Variants in IGSF21 observed in about 807,000 individuals in gnomAD.
IGSF21 encodes immunoglobin superfamily member 21.
IGSF21 carries 28 observed loss-of-function variants against 46.8 expected under a neutral mutation model. The observed-to-expected ratio is 0.60, with a 90% CI of 0.44 to 0.82. IGSF21 has a LOEUF of 0.82. Ranked by LOEUF, IGSF21 falls within the 40% of genes least tolerant of loss-of-function variation. The probability of loss-of-function intolerance (pLI) is 0.00; values close to 1 mark genes in which losing one functional copy is unlikely to be tolerated. For missense variants in IGSF21, 624 were observed against 665.5 expected (o/e 0.94, Z 0.69); for synonymous variants, 284 against 273.6 (o/e 1.04, Z -0.38).
At chr1:18,179,648 C>T (rs747229986) in intron 1 of IGSF21, among the ~76,000 whole-genome samples, 5 of 151,806 alleles carry the variant, frequency 3.3e-5, no homozygotes, top group Admixed American at 3.3e-4. Context: ...TGGCTGGGGT[C>T]GGGGTGACGG....
rs2085761860 is a variant in IGSF21, at chr1:18,335,967, A to G, written c.424+957A>G. 6.6e-6 allele frequency among the ~76,000 whole-genome samples: 1 copy of G among 152,154 alleles called. No individual in the cohort carries two copies. The highest frequency in any genetic ancestry group is 2.1e-4 in the South Asian group (1 of 4,822). ...ACTCATGCACCACTCAGCTCCTCTG[A>G]TAAAGGAACTAGCAGCGTTTGGGTG... On this transcript the variant is annotated intron_variant, in intron 4 of 9. Coordinates refer to ENST00000251296, the MANE Select transcript of IGSF21 (RefSeq NM_032880.5). The surrounding 1 kb of genome is among the most constrained non-coding windows in gnomAD (Gnocchi z 4.8).
chr1:18,110,213 C>G (rs974787772), intron 1 of IGSF21: 2 of 152,204 alleles, frequency 1.3e-5, no homozygotes, highest in African/African-American at 4.8e-5. Flanking sequence ...ACGCGGATCG[C>G]GAATGGGAAA....
At chr1:18,377,922 G>A (rs2086301676) in intron 9 of IGSF21, among the ~76,000 whole-genome samples, 1 of 152,132 alleles carries the variant, frequency 6.6e-6, no homozygotes, top group Non-Finnish European at 1.5e-5. Flanking sequence ...GCTCTAGCCT[G>A]AGCACCACCC....
chr1:18,323,770 A>G (rs905652245), intron 3 of IGSF21, among the ~76,000 whole-genome samples: 1 of 152,144 alleles, frequency 6.6e-6, no homozygotes, highest in South Asian at 2.1e-4. Flanking sequence ...AGTGGATGCC[A>G]CAGATATTTT....
At chr1:18,366,226 G>T (rs2086163627) in intron 6 of IGSF21, among the ~76,000 whole-genome samples, 1 of 152,144 alleles carries the variant, frequency 6.6e-6, no homozygotes, top group Admixed American at 6.5e-5. Context: ...TAAAAACAGG[G>T]GAGGTTTTCT....
intron 4 of IGSF21, among the ~76,000 whole-genome samples, chr1:18,339,302 C>T (rs1193664546): frequency 6.6e-6 from 1 of 152,190 alleles, no homozygotes; most frequent in South Asian, 2.1e-4. Flanking sequence ...ATACAGCAGC[C>T]TTAACTCCCA....
intron 1 of IGSF21, among the ~76,000 whole-genome samples, chr1:18,200,793 G>A (rs557012692): frequency 2.6e-4 from 39 of 152,106 alleles, no homozygotes; most frequent in Non-Finnish European, 4.3e-4. Flanking sequence ...TTGAGTGGCC[G>A]GGATCCACGT....
intron 3 of IGSF21, among the ~76,000 whole-genome samples, chr1:18,315,573 A>ATGGATGGATGGG (rs937506593): frequency 6.6e-6 from 1 of 151,492 alleles, no homozygotes; most frequent in African/African-American, 2.4e-5. Flanking sequence ...GGATGGATGG[A>ATGGATGGATGGG]TGGGTGGATG....
chr1:18,251,159 C>T (rs1333001159), intron 2 of IGSF21, among the ~76,000 whole-genome samples: 1 of 152,074 alleles, frequency 6.6e-6, no homozygotes, highest in Non-Finnish European at 1.5e-5. Flanking sequence ...CAAGTCAGGG[C>T]GGTGACAGGG....
At chr1:18,268,934 T>C (rs1557616000) in intron 2 of IGSF21, among the ~76,000 whole-genome samples, 1 of 152,204 alleles carries the variant, frequency 6.6e-6, no homozygotes, top group Non-Finnish European at 1.5e-5. Context: ...TCACTCTTGA[T>C]GATAGCTCCC....
chr1:18,155,977 A>G (rs1415752881), intron 1 of IGSF21, among the ~76,000 whole-genome samples: 1 of 152,378 alleles, frequency 6.6e-6, no homozygotes, highest in Non-Finnish European at 1.5e-5. Context: ...TGAAGTATTA[A>G]TACATATAAT....
intron 4 of IGSF21, among the ~76,000 whole-genome samples, chr1:18,359,369 A>G (rs1557659541): frequency 2.7e-5 from 3 of 110,940 alleles, no homozygotes; most frequent in East Asian, 2.4e-4. Flanking sequence ...AAAGAAAGAA[A>G]GAAAGAAAGA....
chr1:18,147,492 G>A (rs541402625), intron 1 of IGSF21, among the ~76,000 whole-genome samples: 1 of 152,152 alleles, frequency 6.6e-6, no homozygotes, highest in South Asian at 2.1e-4. Context: ...AAAGCACCGA[G>A]AAATACCTTC....
chr1:18,282,350 C>T (rs993627121), intron 2 of IGSF21, among the ~76,000 whole-genome samples: 4 of 152,100 alleles, frequency 2.6e-5, no homozygotes, highest in African/African-American at 9.7e-5. Context: ...CAGGTGATTC[C>T]ACTGTGCACT....
rs543436460 is a variant in IGSF21 at position 18,171,981 on chromosome 1, GA to G, written c.71-55915del. 4.4e-3 allele frequency among the ~76,000 whole-genome samples: 676 copies of G among 152,322 alleles called. 5 individuals are homozygous for G. Among genetic ancestry groups the G allele is most frequent in the African/African-American group, 0.015 (635 of 41,564 alleles). ...TGGGAAAGGTTGAAGAGGTACCTGGGAAGAAATAGTTCCTTTTCTTGTCCCC... is the reference window on the plus strand; with the variant it reads ...TGGGAAAGGTTGAAGAGGTACCTGGGAGAAATAGTTCCTTTTCTTGTCCCC... On this transcript the variant is annotated intron_variant, in intron 1 of 9. Transcript: ENST00000251296.
chr1:18,255,803 G>C (rs540150433), intron 2 of IGSF21, among the ~76,000 whole-genome samples: 78 of 151,906 alleles, frequency 5.1e-4, no homozygotes, highest in African/African-American at 1.8e-3. Context: ...TCCCTCCTGA[G>C]GTCCCAAAGT....
In IGSF21 at chr1:18,184,049, T is replaced by C. The variant is rs536893471; in HGVS notation, c.71-43849T>C. Among the ~76,000 whole-genome samples, 9 of 152,232 alleles carry C rather than the reference T, an allele frequency of 5.9e-5. No homozygotes were observed. The South Asian group carries it at 1.9e-3, about 32-fold the overall frequency. ...GTAACACAGGATAGTGTCAAGAGAATAGGTTCTGGAGTCTGGGTTCACATT... is the reference window on the plus strand; with the variant it reads ...GTAACACAGGATAGTGTCAAGAGAACAGGTTCTGGAGTCTGGGTTCACATT... On this transcript the variant is annotated intron_variant, in intron 1 of 9. Coordinates refer to ENST00000251296, the MANE Select transcript of IGSF21 (RefSeq NM_032880.5).
intron 3 of IGSF21, among the ~76,000 whole-genome samples, chr1:18,297,108 GC>G (rs2085318799): frequency 1.3e-5 from 2 of 152,130 alleles, no homozygotes; most frequent in South Asian, 2.1e-4. Flanking sequence ...TTCAGAGTCT[GC>G]CCGCCCCCCC....
intron 1 of IGSF21, chr1:18,114,445 C>A (rs1272955734): frequency 6.6e-6 from 1 of 152,310 alleles, no homozygotes; most frequent in African/African-American, 2.4e-5. Flanking sequence ...AAAGACTGAG[C>A]ATGTGGCTTT....
Sources: gnomAD v4.1 joint callset for allele counts (sites outside exome capture counted in the v4.1 genomes callset) on GRCh38, gnomAD v4.1.1 for gene constraint, Gnocchi (gnomAD v3.1) non-coding constraint, MANE v1.5 for transcripts, NCBI Gene and HGNC (gene_info 2026-07-23, HGNC 2026-07-21) for gene names.